Variants in SPIC observed in about 807,000 individuals in gnomAD.
SPIC encodes Spi-C transcription factor, also known as transcription factor Spi-C.
In SPIC, 9 loss-of-function variants were observed where a neutral mutation model predicts 16.7. The ratio of observed to expected loss-of-function variants is 0.54; its 90% CI spans 0.33 to 0.94. SPIC has a LOEUF of 0.94. SPIC is among the 40% of genes least tolerant of loss of function. The pLI is 0.03. For synonymous variants in SPIC, 97 were observed against 102.9 expected (o/e 0.94, Z 0.35); for missense variants, 241 against 285.8 (o/e 0.84, Z 1.13).
rs1212746803 is a variant in SPIC at position 101,486,874 on chromosome 12, T to C, written c.*103T>C. ...TTTCCTCCTCTGAAGAAATTTAGGA[T>C]TTTTCTCTTAAAGCAAATACTAAAG... On this transcript the variant is annotated 3_prime_UTR_variant, in exon 6 of 6. Coordinates refer to ENST00000551346, the MANE Select transcript of SPIC (RefSeq NM_152323.3). 1 of 1,048,156 alleles carries C rather than the reference T, an allele frequency of 9.5e-7. No individual in the cohort carries two copies. The highest frequency in any genetic ancestry group is 1.6e-5 in the African/African-American group (1 of 62,892). 64.9% of individuals were successfully genotyped at this position (1,048,156 alleles called of 1,614,324 possible). A position where few individuals can be genotyped will look rare whatever the true frequency, so the allele number is the denominator to read the frequency against.
At chr12:101,481,093 C>A (rs978278126) in intron 4 of SPIC, among the ~76,000 whole-genome samples, 1 of 152,192 alleles carries the variant, frequency 6.6e-6, no homozygotes, top group Non-Finnish European at 1.5e-5. Context: ...GGTGTTTAAC[C>A]CTTGGAAACC....
chr12:101,477,643 A>T lies in SPIC; in HGVS notation c.89A>T (p.Tyr30Phe), dbSNP rs779472561. 3 of 1,612,276 alleles carry T rather than the reference A, an allele frequency of 1.9e-6. No homozygotes were observed. Among genetic ancestry groups the T allele is most frequent in the Non-Finnish European group, 2.5e-6 (3 of 1,179,552 alleles). Residue 30 changes from tyrosine to phenylalanine, a missense_variant, in exon 3 of 6, where the codon TAC becomes TTC. Tyr to Phe is a conservative substitution (Grantham distance 22). Coordinates refer to ENST00000551346, the MANE Select transcript of SPIC (RefSeq NM_152323.3). ...CAACATTCAACTGGAGATCTTCAGT[A>T]CTCGCCAGGTAAAGATGAGTCATTT... ...LRQHSTGDLQ[Y>F]SPDYRNYLAL...
intron 3 of SPIC, among the ~76,000 whole-genome samples, chr12:101,479,314 AGAAAGAAAGAAAG>A (rs1873107935): frequency 3.1e-5 from 4 of 128,860 alleles, no homozygotes; most frequent in Admixed American, 2.6e-4. Context: ...GAAAAAAGAA[AGAAAGAAAGAAAG>A]AAAGAAAGAA....
intron 5 of SPIC, among the ~76,000 whole-genome samples, chr12:101,485,950 C>G (rs1342807610): frequency 1.3e-5 from 2 of 152,112 alleles, no homozygotes; most frequent in African/African-American, 4.8e-5. Flanking sequence ...ATTACAGGCG[C>G]GTGCCACCCT....
chr12:101,482,012 G>A (rs1191400506), intron 4 of SPIC, among the ~76,000 whole-genome samples: 1 of 140,828 alleles, frequency 7.1e-6, no homozygotes, highest in Non-Finnish European at 1.6e-5. Flanking sequence ...GGAGGCCGAG[G>A]CAGGTGGATC....
At chr12:101,480,308 A>T (rs559775494) in intron 4 of SPIC, among the ~76,000 whole-genome samples, 3 of 152,324 alleles carry the variant, frequency 2.0e-5, no homozygotes, top group African/African-American at 7.2e-5. Flanking sequence ...TCCATCTGGG[A>T]AATTGCAAAA....
At chr12:101,479,493 C>T (rs1873119403) in intron 3 of SPIC, 89 bp from the exon 4 acceptor site, 2 of 929,872 alleles carry the variant, frequency 2.2e-6, no homozygotes, top group Non-Finnish European at 1.6e-6. Context: ...AGAGCAATTG[C>T]ATCTATAAGT....
rs376571960 is a variant in SPIC, at chr12:101,477,662, G to C, written c.97+11G>C. 2.4e-5 allele frequency: 38 copies of C among 1,605,084 alleles called. No individual in the cohort carries two copies. In the Admixed American group the frequency reaches 3.7e-4, roughly 15 times the overall value. On this transcript the variant is annotated intron_variant, in intron 3 of 5. Transcript: ENST00000551346. The stretch of plus-strand genomic sequence containing the variant: ...TTCAGTACTCGCCAGGTAAAGATGA[G>C]TCATTTACCCTCTTCTGCTGGTACA...
intron 4 of SPIC, among the ~76,000 whole-genome samples, chr12:101,482,571 A>G (rs1377394000): frequency 6.6e-6 from 1 of 151,508 alleles, no homozygotes; most frequent in Non-Finnish European, 1.5e-5. Flanking sequence ...AGGACATGAC[A>G]CTCCTCACAA....
At chr12:101,480,413 A>G (rs528725164) in intron 4 of SPIC, among the ~76,000 whole-genome samples, 1 of 152,284 alleles carries the variant, frequency 6.6e-6, no homozygotes, top group East Asian at 1.9e-4. Flanking sequence ...TTCCTTCTCA[A>G]ACTCAGTGTT....
At chr12:101,482,953 A>G in intron 5 of SPIC, 53 bp downstream of exon 5, 1 of 1,481,694 alleles carries the variant, frequency 6.7e-7, no homozygotes, top group African/African-American at 1.4e-5. Flanking sequence ...TCTTCCTCAT[A>G]GCTGCTTTAA....
Position 101,486,612 on chromosome 12 carries a change from C to T in SPIC, c.588C>T (p.Ala196=), listed in dbSNP as rs781347489. Residue 196 remains alanine (A), a synonymous_variant, in exon 6 of 6, where the codon GCC becomes GCT. Transcript: ENST00000551346. ...RRKLTYQFSE[A]ILQRLSPSYF... is the part of the protein sequence containing the mutation. ...AGCTGACTTACCAGTTCAGTGAGGC[C>T]ATTCTCCAAAGACTCTCTCCATCCT... is the stretch of plus-strand genomic sequence containing the variant. 6.2e-7 allele frequency: 1 copy of T among 1,613,966 alleles called. No homozygotes were observed. The highest frequency in any genetic ancestry group is 8.5e-7 in the Non-Finnish European group (1 of 1,179,916).
intron 5 of SPIC, 95 bp downstream of exon 5, chr12:101,482,995 T>A (rs765213993): frequency 2.8e-6 from 3 of 1,076,470 alleles, no homozygotes; most frequent in Non-Finnish European, 4.1e-6. Context: ...GGAATTGAAT[T>A]TGCAAAATAT....
chr12:101,479,204 GA>G (rs1873069307), intron 3 of SPIC, among the ~76,000 whole-genome samples: 1 of 116,716 alleles, frequency 8.6e-6, no homozygotes, highest in African/African-American at 3.1e-5. Context: ...AAGAAAGAAA[GA>G]AAGAAAGAAA....
At chr12:101,481,608 C>T (rs1466761553) in intron 4 of SPIC, among the ~76,000 whole-genome samples, 2 of 151,512 alleles carry the variant, frequency 1.3e-5, no homozygotes, top group Non-Finnish European at 2.9e-5. Context: ...CTCCCAGGTT[C>T]AAGCGATTCT....
intron 4 of SPIC, among the ~76,000 whole-genome samples, chr12:101,480,861 C>T (rs1032969484): frequency 6.6e-6 from 1 of 152,196 alleles, no homozygotes; most frequent in African/African-American, 2.4e-5. Context: ...ATAGAGGGTG[C>T]TTTGGTTCCA....
At position 101,486,327 on chromosome 12, in the gene SPIC, G is replaced by A; in HGVS notation, c.320-17G>A. 1 of 1,591,312 alleles carries A rather than the reference G, an allele frequency of 6.3e-7. No individual in the cohort carries two copies. Among genetic ancestry groups the A allele is most frequent in the Non-Finnish European group, 8.6e-7 (1 of 1,169,500 alleles). ...TACAGCCACGGTGGAGTTTGACCTT[G>A]TTTCCCTTCATTTTAGGCAGGAAGA... On this transcript the variant is annotated splice_polypyrimidine_tract_variant and intron_variant, in intron 5 of 5. Coordinates refer to ENST00000551346, the MANE Select transcript of SPIC (RefSeq NM_152323.3).
intron 4 of SPIC, among the ~76,000 whole-genome samples, chr12:101,481,162 C>T (rs1402528591): frequency 6.6e-6 from 1 of 151,124 alleles, no homozygotes; most frequent in Non-Finnish European, 1.5e-5. Flanking sequence ...TTCCTGTCCC[C>T]TTTCTTTATT....
At position 101,486,809 on chromosome 12, in the gene SPIC, A is replaced by G; in HGVS notation, c.*38A>G. 1 of 1,456,106 alleles carries G rather than the reference A, an allele frequency of 6.9e-7. No individual in the cohort carries two copies. The highest frequency in any genetic ancestry group is 9.2e-7 in the Non-Finnish European group (1 of 1,090,020). 90.2% of individuals were successfully genotyped at this position (1,456,106 alleles called of 1,614,324 possible). ...ATTTCATGGTTTACTGGCATCGGAA[A>G]TCTCTACAAGTTTTAATGATTTCTC... is the stretch of plus-strand genomic sequence containing the variant. On this transcript the variant is annotated 3_prime_UTR_variant, in exon 6 of 6. Transcript: ENST00000551346.
Sources: gnomAD v4.1 joint callset for allele counts (sites outside exome capture counted in the v4.1 genomes callset) on GRCh38, gnomAD v4.1.1 for gene constraint, MANE v1.5 for transcripts, NCBI Gene and HGNC (gene_info 2026-07-23, HGNC 2026-07-21) for gene names.